The following BRD10 variants were observed in gnomAD, a reference collection of about 807,000 sequenced individuals.
BRD10 encodes uncharacterized bromodomain-containing protein 10.
At chr9:5,900,123 T>C in the BRD10 span, among the ~76,000 whole-genome samples, 2 of 152,246 alleles carry the variant, frequency 1.3e-5, no homozygotes, top group Non-Finnish European at 2.9e-5. Context: ...TTTGATCCTA[T>C]TGAACACAAA....
the BRD10 span, among the ~76,000 whole-genome samples, chr9:5,908,264 G>A: frequency 6.6e-6 from 1 of 152,134 alleles, no homozygotes; most frequent in Admixed American, 6.5e-5. Context: ...ATATTTGGTA[G>A]TATCAATGTG....
At chr9:5,914,246 C>T in the BRD10 span, among the ~76,000 whole-genome samples, 2 of 152,078 alleles carry the variant, frequency 1.3e-5, no homozygotes, top group South Asian at 2.1e-4. Flanking sequence ...TTCAGGTTTA[C>T]AGCAACCAAC....
chr9:5,901,270 T>G, the BRD10 span, among the ~76,000 whole-genome samples: 1 of 151,906 alleles, frequency 6.6e-6, no homozygotes, highest in Non-Finnish European at 1.5e-5. Flanking sequence ...TGAAAAGGAG[T>G]GGTGAGACAG....
chr9:5,879,791 G>A, the BRD10 span, among the ~76,000 whole-genome samples: 1 of 152,184 alleles, frequency 6.6e-6, no homozygotes, highest in Non-Finnish European at 1.5e-5. Context: ...CCTGCAGAAT[G>A]TCAGAGATAA....
the BRD10 span, among the ~76,000 whole-genome samples, chr9:5,886,985 G>A: frequency 6.6e-6 from 1 of 152,170 alleles, no homozygotes. Flanking sequence ...AGGGCCAGGT[G>A]CAGTGGGTCG....
the BRD10 span, chr9:5,968,052 T>C: frequency 6.5e-7 from 1 of 1,530,440 alleles, no homozygotes; most frequent in Non-Finnish European, 8.8e-7. Flanking sequence ...GCTTTTTTTT[T>C]GATGATCAAT....
chr9:5,970,509 T>C, the BRD10 span, among the ~76,000 whole-genome samples: 1 of 152,182 alleles, frequency 6.6e-6, no homozygotes, highest in African/African-American at 2.4e-5. Flanking sequence ...TAAGTCTTTG[T>C]GACCTTAGAT....
the BRD10 span, among the ~76,000 whole-genome samples, chr9:5,966,981 T>C: frequency 1.3e-5 from 2 of 152,198 alleles, no homozygotes; most frequent in Admixed American, 1.3e-4. Context: ...AATGATACAT[T>C]ATATACATGT....
At chr9:5,890,069 G>C in the BRD10 span, among the ~76,000 whole-genome samples, 1 of 152,120 alleles carries the variant, frequency 6.6e-6, no homozygotes, top group African/African-American at 2.4e-5. Context: ...ATGCTCTCCA[G>C]ACCTGTGCCT....
chr9:5,991,258 T>C, the BRD10 span, among the ~76,000 whole-genome samples: 1 of 152,134 alleles, frequency 6.6e-6, no homozygotes, highest in Non-Finnish European at 1.5e-5. Context: ...TCATATGATA[T>C]GTACGCATAC....
chr9:5,895,209 C>A, the BRD10 span, among the ~76,000 whole-genome samples: 1 of 152,118 alleles, frequency 6.6e-6, no homozygotes, highest in Non-Finnish European at 1.5e-5. Flanking sequence ...TGTAGGAACC[C>A]CTGAATACAT....
chr9:5,923,219 A>G, the BRD10 span: 1 of 1,614,002 alleles, frequency 6.2e-7, no homozygotes, highest in Non-Finnish European at 8.5e-7. Flanking sequence ...TGTTTTAAGC[A>G]GTGTCTTCGG....
chr9:5,957,778 T>A, the BRD10 span, among the ~76,000 whole-genome samples: 3 of 152,094 alleles, frequency 2.0e-5, no homozygotes, highest in African/African-American at 7.2e-5. Context: ...AGTAAAAACA[T>A]CAGCACTTCA....
the BRD10 span, chr9:5,892,518 A>C: frequency 6.2e-7 from 1 of 1,613,892 alleles, no homozygotes; most frequent in Non-Finnish European, 8.5e-7. Flanking sequence ...TACCCCAAGA[A>C]GGGGCACGGC....
At chr9:5,945,419 T>C in the BRD10 span, among the ~76,000 whole-genome samples, 2 of 152,124 alleles carry the variant, frequency 1.3e-5, no homozygotes, top group African/African-American at 2.4e-5. Context: ...TAACAAACCT[T>C]AGTTATTGCT....
At chr9:5,948,969 T>C in the BRD10 span, among the ~76,000 whole-genome samples, 1 of 152,130 alleles carries the variant, frequency 6.6e-6, no homozygotes, top group African/African-American at 2.4e-5. Context: ...CAAATAAGGA[T>C]ATCACTTGTG....
At chr9:5,973,638 C>T in the BRD10 span, among the ~76,000 whole-genome samples, 1 of 152,122 alleles carries the variant, frequency 6.6e-6, no homozygotes, top group Non-Finnish European at 1.5e-5. Flanking sequence ...CCTGTAATCC[C>T]AGCATTTTGG....
At chr9:6,002,685 T>C in the BRD10 span, among the ~76,000 whole-genome samples, 1 of 150,594 alleles carries the variant, frequency 6.6e-6, no homozygotes, top group African/African-American at 2.4e-5. Context: ...GAGGATGCTG[T>C]ACTTTTTTTT....
chr9:5,947,856 T>TA, the BRD10 span, among the ~76,000 whole-genome samples: 71 of 152,168 alleles, frequency 4.7e-4, no homozygotes, highest in African/African-American at 1.5e-3. Flanking sequence ...GATTTTTTTT[T>TA]AAAAAAGCAA....
Sources: gnomAD v4.1 joint callset for allele counts (sites outside exome capture counted in the v4.1 genomes callset) on GRCh38, gnomAD v4.1.1 for gene constraint, MANE v1.5 for transcripts, NCBI Gene and HGNC (gene_info 2026-07-23, HGNC 2026-07-21) for gene names.